PDE4D: variants seen among roughly 807,000 people sequenced by gnomAD.
The protein encoded by PDE4D is 3',5'-cyclic-AMP phosphodiesterase 4D.
Under a neutral mutation model 87.4 loss-of-function variants are expected in PDE4D, and 24 were observed. The observed-to-expected ratio is 0.27, with a 90% CI of 0.20 to 0.39. The LOEUF (loss-of-function observed/expected upper bound fraction) is 0.39. PDE4D is among the 10% of genes least tolerant of loss of function. PDE4D has a pLI of 1.00. For missense variants in PDE4D, 714 were observed against 1,041.0 expected, an observed-to-expected ratio of 0.69 and a Z score of 4.32; for synonymous variants, 384 against 383.2, an observed-to-expected ratio of 1.00 and a Z score of -0.02.
At chr5:59,756,179 AG>A (rs1178492462) in intron 1 of PDE4D, among the ~76,000 whole-genome samples, 1 of 151,918 alleles carries the variant, frequency 6.6e-6, no homozygotes, top group African/African-American at 2.4e-5. Context: ...GAAACTATGA[AG>A]GGTTTTTTTT....
chr5:59,728,849 A>C (rs771668324), intron 1 of PDE4D, among the ~76,000 whole-genome samples: 1 of 151,996 alleles, frequency 6.6e-6, no homozygotes, highest in Non-Finnish European at 1.5e-5. Context: ...TTGATCAGGG[A>C]CTCTCAGTTG....
intron 1 of PDE4D, among the ~76,000 whole-genome samples, chr5:60,380,804 A>G (rs900502338): frequency 6.6e-6 from 1 of 152,226 alleles, no homozygotes; most frequent in Non-Finnish European, 1.5e-5. Flanking sequence ...AGAAATCGAC[A>G]TCACTTAGTA....
intron 3 of PDE4D, among the ~76,000 whole-genome samples, chr5:59,964,547 C>T (rs1399671219): frequency 6.6e-6 from 1 of 152,154 alleles, no homozygotes; most frequent in Non-Finnish European, 1.5e-5. Flanking sequence ...TCAGTCTTTA[C>T]ATAGGCAATG....
chr5:59,738,338 T>C (rs1407100875), intron 1 of PDE4D, among the ~76,000 whole-genome samples: 3 of 152,070 alleles, frequency 2.0e-5, no homozygotes, highest in African/African-American at 7.2e-5. Flanking sequence ...GAATGACAAA[T>C]TTTGAACAAA....
At chr5:59,981,570 A>G (rs1488523304) in intron 3 of PDE4D, among the ~76,000 whole-genome samples, 1 of 152,198 alleles carries the variant, frequency 6.6e-6, no homozygotes, top group Admixed American at 6.5e-5. Context: ...TTTCACAATC[A>G]TGATTATGTG....
intron 3 of PDE4D, among the ~76,000 whole-genome samples, chr5:59,190,713 T>C (rs1744115522): frequency 6.6e-6 from 1 of 152,174 alleles, no homozygotes; most frequent in African/African-American, 2.4e-5. Flanking sequence ...CAGCAAAACA[T>C]GCCAATCATG....
In PDE4D at chr5:60,397,305, G is replaced by C. The variant is rs563474898; in HGVS notation, c.-90+90637C>G. Among the ~76,000 whole-genome samples the C allele has an allele frequency of 3.3e-5, 5 of 152,238 alleles. No homozygotes were observed. In the East Asian group the frequency reaches 9.7e-4, roughly 29 times the overall value. ...TCCCATGACTAGGTAGATTTCTAAA[G>C]GAAATGAAATCATTTTGAAGAGATA... On this transcript the variant is annotated intron_variant, in intron 1 of 16. Coordinates refer to the PDE4D transcript ENST00000502484.
chr5:60,280,193 T>G (rs1751759620), intron 1 of PDE4D, among the ~76,000 whole-genome samples: 1 of 152,118 alleles, frequency 6.6e-6, no homozygotes, highest in Non-Finnish European at 1.5e-5. Context: ...GTAAGGAATC[T>G]AAATTGATTG....
chr5:59,631,617 C>A (rs982510816), intron 1 of PDE4D, among the ~76,000 whole-genome samples: 1 of 152,050 alleles, frequency 6.6e-6, no homozygotes, highest in South Asian at 2.1e-4. Context: ...CAGGGTGGGG[C>A]GTCTCCCCAC....
intron 1 of PDE4D, among the ~76,000 whole-genome samples, chr5:60,429,544 A>G (rs1744013643): frequency 6.6e-6 from 1 of 152,118 alleles, no homozygotes; most frequent in African/African-American, 2.4e-5. Context: ...GTCTTGTTCC[A>G]GTTCTCAAGA....
intron 1 of PDE4D, among the ~76,000 whole-genome samples, chr5:60,519,766 C>A (rs1750955151): frequency 6.6e-6 from 1 of 152,138 alleles, no homozygotes; most frequent in African/African-American, 2.4e-5. Flanking sequence ...ATAACTTTTT[C>A]ATTTTGTTTA....
intron 5 of PDE4D, among the ~76,000 whole-genome samples, chr5:59,076,137 G>C (rs1386528511): frequency 6.6e-6 from 1 of 152,094 alleles, no homozygotes; most frequent in Non-Finnish European, 1.5e-5. Flanking sequence ...CTTTGGCATT[G>C]AACAATGTGA....
At chr5:59,444,401 G>T (rs905134554) in intron 1 of PDE4D, among the ~76,000 whole-genome samples, 1 of 152,182 alleles carries the variant, frequency 6.6e-6, no homozygotes, top group Non-Finnish European at 1.5e-5. Flanking sequence ...GCAGGCCTGA[G>T]TTTGTCCAAC....
At chr5:59,133,670 G>T (rs977446116) in intron 5 of PDE4D, among the ~76,000 whole-genome samples, 1 of 152,092 alleles carries the variant, frequency 6.6e-6, no homozygotes, top group Non-Finnish European at 1.5e-5. Flanking sequence ...AGTTTCCCAG[G>T]CATGCCACAG....
intron 5 of PDE4D, among the ~76,000 whole-genome samples, chr5:59,155,849 A>G (rs1355689011): frequency 1.3e-5 from 2 of 152,148 alleles, no homozygotes; most frequent in African/African-American, 4.8e-5. Flanking sequence ...TAAGAGACCT[A>G]TGGATAACAT....
chr5:59,235,401 C>T (rs1448547357), intron 1 of PDE4D, among the ~76,000 whole-genome samples: 2 of 152,118 alleles, frequency 1.3e-5, no homozygotes, highest in Non-Finnish European at 2.9e-5. Context: ...ACACAGTGAC[C>T]CTGGGCAATA....
intron 1 of PDE4D, among the ~76,000 whole-genome samples, chr5:60,435,952 A>G (rs1744726065): frequency 6.6e-6 from 1 of 152,132 alleles, no homozygotes; most frequent in African/African-American, 2.4e-5. Context: ...TATAGGTTTC[A>G]GGACAATTCA....
chr5:60,303,738 T>C (rs1335194162), intron 1 of PDE4D, among the ~76,000 whole-genome samples: 1 of 152,210 alleles, frequency 6.6e-6, no homozygotes, highest in Non-Finnish European at 1.5e-5. Context: ...TTTGAGTCAG[T>C]GCTGTATGGC....
At chr5:59,359,151 T>C (rs973295751) in intron 1 of PDE4D, among the ~76,000 whole-genome samples, 2 of 152,222 alleles carry the variant, frequency 1.3e-5, no homozygotes, top group Non-Finnish European at 2.9e-5. Flanking sequence ...CAACTTTTTC[T>C]AAAAATGTGC....
Sources: gnomAD v4.1 joint callset for allele counts (sites outside exome capture counted in the v4.1 genomes callset) on GRCh38, gnomAD v4.1.1 for gene constraint, MANE v1.5 for transcripts, NCBI Gene and HGNC (gene_info 2026-07-23, HGNC 2026-07-21) for gene names.